DGKI: variants seen among roughly 807,000 people sequenced by gnomAD.
DGKI encodes the protein DAG kinase iota.
In DGKI, 55 loss-of-function variants were observed where a neutral mutation model predicts 147.5. The observed-to-expected ratio is 0.37, with a 90% CI of 0.30 to 0.47. The LOEUF is 0.47. Among genes scored for constraint, DGKI ranks in the 20% least tolerant of loss-of-function variants. DGKI has a pLI of 1.00. For missense variants in DGKI, 1,007 were observed against 1,323.8 expected (o/e 0.76, Z 3.71); for synonymous variants, 469 against 477.1 (o/e 0.98, Z 0.22).
intron 1 of DGKI, among the ~76,000 whole-genome samples, chr7:137,823,032 G>C (rs1162184644): frequency 6.6e-6 from 1 of 151,398 alleles, no homozygotes; most frequent in African/African-American, 2.4e-5. Context: ...CTGGTAAATT[G>C]GGGAGGAGGA....
At chr7:137,432,965 A>C (rs1407334944) in intron 28 of DGKI, among the ~76,000 whole-genome samples, 1 of 152,176 alleles carries the variant, frequency 6.6e-6, no homozygotes, top group Non-Finnish European at 1.5e-5. Flanking sequence ...GAACTTCTGG[A>C]AAGTATTATG....
chr7:137,589,136 A>C (rs543118021), intron 12 of DGKI, among the ~76,000 whole-genome samples: 20 of 152,336 alleles, frequency 1.3e-4, no homozygotes, highest in Non-Finnish European at 1.9e-4. Context: ...AACATTGCTT[A>C]ATCAAATTCA....
Position 137,846,769 on chromosome 7 carries a change from TGGC to T in DGKI, c.91_93del (p.Ala31del), listed in dbSNP as rs527683728. 363 of 1,048,090 alleles carry T rather than the reference TGGC, an allele frequency of 3.5e-4. No individual in the cohort carries two copies. The highest frequency in any genetic ancestry group is 2.2e-3 in the East Asian group (32 of 14,540). The allele number at this position is 1,048,090 out of a possible 1,614,324, so 64.9% of individuals were successfully genotyped here. ...GCGCCGCTGCAGGGGCCGGGCGGGCTGGCGGCGGCGGCGGCGGCGGCTGCAGGA... is the reference window on the plus strand; with the variant it reads ...GCGCCGCTGCAGGGGCCGGGCGGGCTGGCGGCGGCGGCGGCGGCTGCAGGA... On this transcript the variant is annotated inframe_deletion, in exon 1 of 33. Transcript: ENST00000614521. This position sits in a 1 kb window ranked among gnomAD's most constrained non-coding sequence, Gnocchi z 4.0.
At chr7:137,550,123 G>C (rs1372067530) in intron 20 of DGKI, among the ~76,000 whole-genome samples, 1 of 151,396 alleles carries the variant, frequency 6.6e-6, no homozygotes, top group Non-Finnish European at 1.5e-5. Flanking sequence ...GCCTCTGGTA[G>C]AAAGTAAGTA....
rs1378610949 is a variant in DGKI, at chr7:137,846,428, G to T, written c.401+34C>A. The stretch of plus-strand genomic sequence containing the variant: ...AGAAGAGTGGGTCTCCCGCCGCGGC[G>T]CACCTGTCTCGGCTGCCGGCTCCCC... On this transcript the variant is annotated intron_variant, in intron 1 of 32. Coordinates refer to ENST00000614521, the MANE Select transcript of DGKI (RefSeq NM_001321708.2). This position sits in a 1 kb window ranked among gnomAD's most constrained non-coding sequence, Gnocchi z 4.0. The T allele has an allele frequency of 5.3e-6, 8 of 1,507,770 alleles. No individual in the cohort carries two copies. The highest frequency in any genetic ancestry group is 1.8e-4 in the Middle Eastern group (1 of 5,690). The allele number at this position is 1,507,770 out of a possible 1,614,324, so 93.4% of individuals were successfully genotyped here.
intron 1 of DGKI, among the ~76,000 whole-genome samples, chr7:137,716,806 C>A (rs184679748): frequency 2.6e-5 from 4 of 152,188 alleles, no homozygotes; most frequent in African/African-American, 9.7e-5. Context: ...TTTCACAGTA[C>A]GATAGCTAGC....
chr7:137,503,394 C>T (rs139477874), intron 21 of DGKI, among the ~76,000 whole-genome samples: 142 of 152,250 alleles, frequency 9.3e-4, no homozygotes, highest in East Asian at 7.7e-3. Context: ...CAATACTGAA[C>T]TGAAGACCTC....
chr7:137,422,738 G>A (rs1010651956), intron 28 of DGKI, among the ~76,000 whole-genome samples: 1 of 151,012 alleles, frequency 6.6e-6, no homozygotes, highest in African/African-American at 2.4e-5. Flanking sequence ...TCGAGTAGCT[G>A]GGACTACAGG....
chr7:137,797,166 A>G (rs1797058506), intron 1 of DGKI, among the ~76,000 whole-genome samples: 1 of 152,234 alleles, frequency 6.6e-6, no homozygotes, highest in African/African-American at 2.4e-5. Context: ...AGGCTGGTAG[A>G]AAGGGACTGT....
intron 1 of DGKI, among the ~76,000 whole-genome samples, chr7:137,801,049 C>T (rs1585509639): frequency 6.6e-6 from 1 of 152,190 alleles, no homozygotes; most frequent in Non-Finnish European, 1.5e-5. Flanking sequence ...TTCTGTAGAA[C>T]AAGTGTCAGC....
intron 19 of DGKI, among the ~76,000 whole-genome samples, chr7:137,553,021 T>C (rs1251805184): frequency 1.3e-5 from 2 of 152,198 alleles, no homozygotes; most frequent in Admixed American, 6.5e-5. Context: ...ACCACCATAG[T>C]AGGAAACCTG....
In DGKI at chr7:137,387,877, C is replaced by T. The variant is rs943072169; in HGVS notation, c.*3343G>A. ...TAAAGCCATGAATATTATAAGGGGT[C>T]TAGTAAATAAATAAATTTCAGAAAT... On this transcript the variant is annotated 3_prime_UTR_variant, in exon 33 of 33. Transcript: ENST00000614521. The T allele has an allele frequency of 6.6e-6, 1 of 152,094 alleles. No individual in the cohort carries two copies. Among genetic ancestry groups the T allele is most frequent in the Admixed American group, 6.6e-5 (1 of 15,260 alleles). 9.4% of individuals were successfully genotyped at this position (152,094 alleles called of 1,614,324 possible).
At chr7:137,432,009 G>C (rs73459162) in intron 28 of DGKI, among the ~76,000 whole-genome samples, 3,658 of 152,254 alleles carry the variant, frequency 0.024, 111 homozygotes, top group East Asian at 0.094. Context: ...GTGTTCTCAC[G>C]ATAGTGAGTG....
At chr7:137,533,923 C>T (rs1024538433) in intron 20 of DGKI, among the ~76,000 whole-genome samples, 17 of 152,070 alleles carry the variant, frequency 1.1e-4, no homozygotes, top group African/African-American at 3.1e-4. Flanking sequence ...TTTTCTGACA[C>T]AAAATGTGAT....
chr7:137,453,027 A>C (rs1814038115), intron 27 of DGKI: 1 of 152,220 alleles, frequency 6.6e-6, no homozygotes. Context: ...CCAGTTGGGC[A>C]TTCTCTCCAG....
At chr7:137,412,080 G>T (rs1174836203) in intron 29 of DGKI, 90 bp downstream of exon 29, 3 of 1,255,118 alleles carry the variant, frequency 2.4e-6, no homozygotes, top group Non-Finnish European at 1.2e-6. Flanking sequence ...GATGATAAAT[G>T]ATAGATGGGA....
chr7:137,585,392 A>C, intron 13 of DGKI, 46 bp from the exon 14 acceptor site: 1 of 1,584,546 alleles, frequency 6.3e-7, no homozygotes, highest in South Asian at 1.2e-5. Flanking sequence ...AGTGGAGAAC[A>C]GTGAAGCCAA....
chr7:137,388,418 A>C lies in DGKI; in HGVS notation c.*2802T>G, dbSNP rs976222760. The C allele has an allele frequency of 2.6e-5, 4 of 152,190 alleles. No homozygotes were observed. The highest frequency in any genetic ancestry group is 9.6e-5 in the African/African-American group (4 of 41,454). 9.4% of individuals were successfully genotyped at this position (152,190 alleles called of 1,614,324 possible). A position where few individuals can be genotyped will look rare whatever the true frequency, so the allele number is the denominator to read the frequency against. On this transcript the variant is annotated 3_prime_UTR_variant, in exon 33 of 33. Transcript: ENST00000614521. ...TGACACAAAGAAACAAACACAGAGG[A>C]GTCAGCCAAGCTAGCTGCCTCTTCA...
intron 1 of DGKI, among the ~76,000 whole-genome samples, chr7:137,690,777 C>G (rs1585375431): frequency 6.6e-6 from 1 of 151,658 alleles, no homozygotes; most frequent in East Asian, 1.9e-4. Flanking sequence ...TTTAGCAAAG[C>G]AAATATGATC....
Sources: gnomAD v4.1 joint callset for allele counts (sites outside exome capture counted in the v4.1 genomes callset) on GRCh38, gnomAD v4.1.1 for gene constraint, Gnocchi (gnomAD v3.1) non-coding constraint, MANE v1.5 for transcripts, NCBI Gene and HGNC (gene_info 2026-07-23, HGNC 2026-07-21) for gene names.